Variants in GSE1 observed in about 807,000 individuals in gnomAD.
GSE1 encodes genetic suppressor element 1.
A neutral mutation model predicts 112.6 loss-of-function variants in GSE1; 32 were observed. That is an observed-to-expected ratio of 0.28 (90% CI 0.21 to 0.38). The LOEUF is 0.38. GSE1 is among the 10% of genes least tolerant of loss of function. GSE1 has a pLI of 1.00. For missense variants in GSE1, 2,348 were observed against 1,699.2 expected, an observed-to-expected ratio of 1.38 and a Z score of -6.71; for synonymous variants, 1,115 against 735.6, an observed-to-expected ratio of 1.52 and a Z score of -8.35.
chr16:85,503,381 C>A (rs1172600299), intron 2 of GSE1, among the ~76,000 whole-genome samples: 1 of 152,216 alleles, frequency 6.6e-6, no homozygotes, highest in Non-Finnish European at 1.5e-5. Flanking sequence ...CTGCCCTCAG[C>A]TGCCGCTCCT....
At chr16:85,548,591 G>A (rs1054747305) in intron 2 of GSE1, among the ~76,000 whole-genome samples, 4 of 152,086 alleles carry the variant, frequency 2.6e-5, no homozygotes, top group African/African-American at 7.2e-5. Flanking sequence ...TCTTTTTTAC[G>A]GGTGAGTAGT....
Position 85,668,274 on chromosome 16 carries a change from A to G in GSE1, c.3265A>G (p.Arg1089Gly). Residue 1089 changes from arginine to glycine, a missense_variant, in exon 14 of 16, where the codon AGG (arginine) becomes GGG (glycine). Transcript: ENST00000253458. Reference protein sequence around the residue: ...HNGQQEPPTARKGPPTQELDR... With the variant: ...HNGQQEPPTAGKGPPTQELDR... Reference sequence around the variant, plus strand: ...TGGGCAGCAGGAGCCCCCCACTGCAAGGAAGGGCCCCCCAACCCAGGAGTT... The same window carrying G: ...TGGGCAGCAGGAGCCCCCCACTGCAGGGAAGGGCCCCCCAACCCAGGAGTT... The G allele has an allele frequency of 1.2e-6, 2 of 1,613,152 alleles. No individual in the cohort carries two copies. Among genetic ancestry groups the G allele is most frequent in the Admixed American group, 1.7e-5 (1 of 60,020 alleles).
intron 1 of GSE1, among the ~76,000 whole-genome samples, chr16:85,247,581 C>T (rs989485344): frequency 6.6e-6 from 1 of 151,996 alleles, no homozygotes; most frequent in Non-Finnish European, 1.5e-5. Flanking sequence ...CTGGCTCAAG[C>T]CACTGCCACC....
chr16:85,443,873 C>T (rs1597774977), intron 2 of GSE1, among the ~76,000 whole-genome samples: 1 of 152,004 alleles, frequency 6.6e-6, no homozygotes, highest in Middle Eastern at 3.4e-3. Flanking sequence ...CGCCCACTCT[C>T]AGTGACCTAT....
intron 2 of GSE1, among the ~76,000 whole-genome samples, chr16:85,422,583 GAA>G (rs34403123): frequency 0.017 from 2,177 of 131,834 alleles, 53 homozygotes; most frequent in African/African-American, 0.059. Flanking sequence ...CTGGCCAAAA[GAA>G]AAAAAAAAAA....
At chr16:85,429,147 A>G (rs1443909796) in intron 2 of GSE1, among the ~76,000 whole-genome samples, 1 of 152,186 alleles carries the variant, frequency 6.6e-6, no homozygotes, top group South Asian at 2.1e-4. Flanking sequence ...TGCAACATAC[A>G]TGCAGAGGTG....
At chr16:85,235,830 C>A (rs1904578805) in intron 1 of GSE1, among the ~76,000 whole-genome samples, 1 of 152,006 alleles carries the variant, frequency 6.6e-6, no homozygotes, top group African/African-American at 2.4e-5. Context: ...CAGGAGCTGA[C>A]CTTACGGGCG....
At chr16:85,518,621 C>T (rs935908652) in intron 2 of GSE1, among the ~76,000 whole-genome samples, 3 of 152,112 alleles carry the variant, frequency 2.0e-5, no homozygotes, top group Non-Finnish European at 4.4e-5. Context: ...ATGGGGACAG[C>T]AGCGCCTCAG....
chr16:85,495,246 C>G (rs11640417), intron 2 of GSE1, among the ~76,000 whole-genome samples: 59,193 of 151,770 alleles, frequency 0.39, 12,083 homozygotes, highest in East Asian at 0.52. Context: ...GTTTGGAAGA[C>G]CCTGCCCGTA....
intron 1 of GSE1, among the ~76,000 whole-genome samples, chr16:85,236,005 A>G (rs569392271): frequency 5.2e-4 from 76 of 146,580 alleles, no homozygotes; most frequent in Non-Finnish European, 9.1e-4. Flanking sequence ...CCTGGGGCTG[A>G]GGCTGGGCCT....
At chr16:85,340,944 T>C (rs1176123743) in intron 1 of GSE1, among the ~76,000 whole-genome samples, 1 of 152,078 alleles carries the variant, frequency 6.6e-6, no homozygotes, top group Admixed American at 6.5e-5. Flanking sequence ...ATCTGGAAAA[T>C]GATGATGATA....
chr16:85,591,910 C>A (rs983601648), intron 1 of GSE1, among the ~76,000 whole-genome samples: 1 of 152,160 alleles, frequency 6.6e-6, no homozygotes, highest in African/African-American at 2.4e-5. Context: ...CCGCGATGCC[C>A]AAATCGGAAG....
chr16:85,655,749 C>T lies in GSE1; in HGVS notation c.821C>T (p.Ser274Phe). ...AFRMDDSYCL[S>F]ALRSPFYPIP... ...AGGATGGACGACTCCTACTGCCTGT[C>T]TGCCCTGAGGTCCCCGTTCTACCCC... Residue 274 changes from serine (S) to phenylalanine (F), a missense_variant, in exon 6 of 16, where the codon TCT (serine) becomes TTT (phenylalanine). Transcript: ENST00000253458. 6.2e-7 allele frequency: 1 copy of T among 1,607,014 alleles called. No homozygotes were observed. Among genetic ancestry groups the T allele is most frequent in the Non-Finnish European group, 8.5e-7 (1 of 1,176,934 alleles).
chr16:85,433,048 C>G (rs2049158409), intron 2 of GSE1, among the ~76,000 whole-genome samples: 1 of 151,656 alleles, frequency 6.6e-6, no homozygotes. Context: ...ATGATAAGTC[C>G]CCCCCAGAGA....
At chr16:85,351,943 T>C (rs1316018579) in intron 1 of GSE1, among the ~76,000 whole-genome samples, 1 of 152,008 alleles carries the variant, frequency 6.6e-6, no homozygotes, top group Non-Finnish European at 1.5e-5. Context: ...TGAGCCGAGA[T>C]CGCACCACTG....
chr16:85,429,348 T>C (rs1263042036), intron 2 of GSE1, among the ~76,000 whole-genome samples: 2 of 152,196 alleles, frequency 1.3e-5, no homozygotes, highest in African/African-American at 4.8e-5. Context: ...GGGTCTTCTG[T>C]CTGGGGGCAG....
chr16:85,505,192 T>C (rs7500540), intron 2 of GSE1, among the ~76,000 whole-genome samples: 85,275 of 151,750 alleles, frequency 0.56, 24,869 homozygotes, highest in African/African-American at 0.71. Flanking sequence ...GGGTGGGAGG[T>C]GCCCCAAGAG....
intron 1 of GSE1, among the ~76,000 whole-genome samples, chr16:85,314,410 C>G (rs547559642): frequency 3.3e-5 from 5 of 152,164 alleles, no homozygotes; most frequent in Non-Finnish European, 5.9e-5. Flanking sequence ...TGTCCCAGCC[C>G]AGCATCTGTG....
intron 2 of GSE1, among the ~76,000 whole-genome samples, chr16:85,393,326 G>T (rs2047888473): frequency 6.6e-6 from 1 of 152,204 alleles, no homozygotes. Flanking sequence ...GAGGCCTCTG[G>T]CAAGACAGGA....
Sources: allele counts gnomAD v4.1 joint callset (sites outside exome capture counted in the v4.1 genomes callset), GRCh38; gene constraint gnomAD v4.1.1; transcripts MANE v1.5; gene names NCBI Gene and HGNC (gene_info 2026-07-23, HGNC 2026-07-21).